Variants in DKK2 observed in about 807,000 individuals in gnomAD.
DKK2 encodes the protein dickkopf-related protein 2.
DKK2 carries 11 observed loss-of-function variants against 28.1 expected under a neutral mutation model. The observed-to-expected ratio is 0.39, with a 90% CI of 0.25 to 0.65. DKK2 has a LOEUF of 0.65. DKK2 is among the 30% of genes least tolerant of loss of function. The probability of loss-of-function intolerance (pLI) is 0.47; values close to 1 mark genes in which losing one functional copy is unlikely to be tolerated. For synonymous variants in DKK2, 135 were observed against 126.5 expected (o/e 1.07, Z -0.45); for missense variants, 326 against 335.5 (o/e 0.97, Z 0.22).
At chr4:106,984,822 A>C (rs1284962427) in intron 1 of DKK2, among the ~76,000 whole-genome samples, 1 of 152,226 alleles carries the variant, frequency 6.6e-6, no homozygotes, top group Non-Finnish European at 1.5e-5. Flanking sequence ...ATACTATGGA[A>C]TCCTACTTAG....
chr4:106,943,316 G>T (rs1724729189), intron 1 of DKK2, among the ~76,000 whole-genome samples: 1 of 151,984 alleles, frequency 6.6e-6, no homozygotes, highest in South Asian at 2.1e-4. Context: ...TGTATCTTCA[G>T]TGGCCACATT....
intron 1 of DKK2, among the ~76,000 whole-genome samples, chr4:106,944,696 G>T (rs902417799): frequency 2.0e-5 from 3 of 152,020 alleles, no homozygotes; most frequent in African/African-American, 7.2e-5. Flanking sequence ...TTTGAGTCCA[G>T]ACAGGGATGT....
intron 1 of DKK2, among the ~76,000 whole-genome samples, chr4:107,009,521 G>A (rs1354737309): frequency 6.6e-6 from 1 of 151,854 alleles, no homozygotes; most frequent in Non-Finnish European, 1.5e-5. Context: ...GCAGCTGGGA[G>A]GGTGAGGAGA....
At chr4:106,988,369 T>C (rs569290532) in intron 1 of DKK2, among the ~76,000 whole-genome samples, 113 of 152,344 alleles carry the variant, frequency 7.4e-4, no homozygotes, top group African/African-American at 2.5e-3. Flanking sequence ...GGTCACACAA[T>C]AATATTAGGT....
intron 1 of DKK2, among the ~76,000 whole-genome samples, chr4:106,948,451 G>A (rs944104240): frequency 6.6e-6 from 1 of 152,118 alleles, no homozygotes; most frequent in African/African-American, 2.4e-5. Context: ...TTCAGGGATG[G>A]TTATATATTG....
At chr4:107,007,978 C>T (rs1010439883) in intron 1 of DKK2, among the ~76,000 whole-genome samples, 1 of 152,112 alleles carries the variant, frequency 6.6e-6, no homozygotes, top group African/African-American at 2.4e-5. Context: ...AAACTAGTCC[C>T]CGATATCACC....
At chr4:106,987,610 A>T (rs1723139752) in intron 1 of DKK2, among the ~76,000 whole-genome samples, 1 of 151,716 alleles carries the variant, frequency 6.6e-6, no homozygotes, top group Non-Finnish European at 1.5e-5. Flanking sequence ...TTGCAACTTC[A>T]GTAGACAGGC....
At position 107,021,181 on chromosome 4, in the gene DKK2, T is replaced by A. The variant is rs115703591; in HGVS notation, c.222+14189A>T. Among the ~76,000 whole-genome samples the A allele has an allele frequency of 2.7e-3, 416 of 152,174 alleles. 3 individuals carry two copies. Among genetic ancestry groups the A allele is most frequent in the African/African-American group, 9.6e-3 (399 of 41,536 alleles). On this transcript the variant is annotated intron_variant, in intron 1 of 3. Coordinates refer to ENST00000285311, the MANE Select transcript of DKK2 (RefSeq NM_014421.3). ...GTTTATTAGAGTTTCAAAAACTTAT[T>A]TGGAGAAACAATACATTCATTTGAC...
chr4:106,996,630 G>C (rs1229995674), intron 1 of DKK2, among the ~76,000 whole-genome samples: 1 of 152,126 alleles, frequency 6.6e-6, no homozygotes, highest in African/African-American at 2.4e-5. Flanking sequence ...AGTTCCCTCG[G>C]TGATCTGTTT....
At chr4:106,945,177 AT>A (rs1724758311) in intron 1 of DKK2, among the ~76,000 whole-genome samples, 1 of 152,162 alleles carries the variant, frequency 6.6e-6, no homozygotes, top group African/African-American at 2.4e-5. Context: ...GGCCCTTGAA[AT>A]AAAACAGTTC....
At chr4:107,002,485 T>C (rs955148195) in intron 1 of DKK2, among the ~76,000 whole-genome samples, 20 of 152,198 alleles carry the variant, frequency 1.3e-4, no homozygotes, top group African/African-American at 1.2e-4. Context: ...TTTAGCTTTT[T>C]TGTTTTCTTC....
At chr4:107,028,022 G>C (rs1026829300) in intron 1 of DKK2, among the ~76,000 whole-genome samples, 1 of 152,110 alleles carries the variant, frequency 6.6e-6, no homozygotes, top group Non-Finnish European at 1.5e-5. Flanking sequence ...AAAGTGCTAG[G>C]ATTACAGGCG....
chr4:106,956,649 G>A (rs1180372864), intron 1 of DKK2, among the ~76,000 whole-genome samples: 1 of 152,050 alleles, frequency 6.6e-6, no homozygotes, highest in Non-Finnish European at 1.5e-5. Context: ...CAAGCAATGG[G>A]GAAAGGATTC....
At chr4:106,936,474 C>T (rs906868879) in intron 1 of DKK2, among the ~76,000 whole-genome samples, 3 of 152,072 alleles carry the variant, frequency 2.0e-5, no homozygotes, top group African/African-American at 7.2e-5. Context: ...TGTGAAAAGA[C>T]CAAATCTACA....
At chr4:107,002,373 A>T (rs1296235442) in intron 1 of DKK2, among the ~76,000 whole-genome samples, 1 of 152,232 alleles carries the variant, frequency 6.6e-6, no homozygotes, top group African/African-American at 2.4e-5. Context: ...TTTTTCCATA[A>T]GCAGAAGCTG....
In DKK2 at chr4:107,029,705, C is replaced by G. The variant is rs185965768; in HGVS notation, c.222+5665G>C. On this transcript the variant is annotated intron_variant, in intron 1 of 3. Coordinates refer to ENST00000285311, the MANE Select transcript of DKK2 (RefSeq NM_014421.3). ...CTTGGGAAAGGTTTGGACAGAACTA[C>G]CACTTTGAGAAGTCATTTTCCCTAA... Among the ~76,000 whole-genome samples the G allele has an allele frequency of 3.9e-5, 6 of 152,192 alleles. No homozygotes were observed. In the East Asian group the frequency reaches 1.2e-3, roughly 29 times the overall value.
At chr4:106,964,679 C>A (rs1722741566) in intron 1 of DKK2, among the ~76,000 whole-genome samples, 1 of 152,032 alleles carries the variant, frequency 6.6e-6, no homozygotes, top group East Asian at 1.9e-4. Flanking sequence ...ATGTGGTTAA[C>A]ATCTATAATC....
intron 1 of DKK2, among the ~76,000 whole-genome samples, chr4:106,977,774 C>T (rs915109165): frequency 6.6e-6 from 1 of 152,158 alleles, no homozygotes; most frequent in South Asian, 2.1e-4. Flanking sequence ...CAGTTTTGTT[C>T]CCTTGTTGGG....
rs139271702 is a variant in DKK2, at chr4:106,967,203, T to C, written c.223-41254A>G. 6.9e-4 allele frequency among the ~76,000 whole-genome samples: 105 copies of C among 152,220 alleles called. 1 individual carries two copies. The East Asian group carries it at 0.015, about 22-fold the overall frequency. On this transcript the variant is annotated intron_variant, in intron 1 of 3. Coordinates refer to ENST00000285311, the MANE Select transcript of DKK2 (RefSeq NM_014421.3). ...AGAAGACAAACACAACATTTGCTTTTAGGGAGCTTACTATTTTGTGGAGTA... is the reference window on the plus strand; with the variant it reads ...AGAAGACAAACACAACATTTGCTTTCAGGGAGCTTACTATTTTGTGGAGTA...
Sources: allele counts gnomAD v4.1 joint callset (sites outside exome capture counted in the v4.1 genomes callset), GRCh38; gene constraint gnomAD v4.1.1; transcripts MANE v1.5; gene names NCBI Gene and HGNC (gene_info 2026-07-23, HGNC 2026-07-21).